The following TPMT variants were observed in gnomAD, a reference collection of about 807,000 sequenced individuals.
The protein encoded by TPMT is thiopurine S-methyltransferase, also known as S-adenosyl-L-methionine:thiopurine S-methyltransferase.
A neutral mutation model predicts 34.2 loss-of-function variants in TPMT; 18 were observed. The ratio of observed to expected loss-of-function variants is 0.53; its 90% CI spans 0.36 to 0.78. The LOEUF is 0.78. Ranked by LOEUF, TPMT falls within the 30% of genes least tolerant of loss-of-function variation. TPMT has a pLI of 0.00. For synonymous variants in TPMT, 69 were observed against 92.4 expected, an observed-to-expected ratio of 0.75 and a Z score of 1.45; for missense variants, 265 against 288.1, an observed-to-expected ratio of 0.92 and a Z score of 0.58.
intron 2 of TPMT, 44 bp from the exon 3 acceptor site, chr6:18,147,959 G>A: frequency 1.4e-6 from 2 of 1,432,404 alleles, no homozygotes; most frequent in Non-Finnish European, 2.0e-6. Flanking sequence ...TTGTATGGTA[G>A]GTGAACACTT....
chr6:18,131,188 A>C lies in TPMT; in HGVS notation c.626-408T>G, dbSNP rs563604163. ...ATTATTTTAAAAACAGTGTACACTA[A>C]ACATTTTTCTCTTCTTTTTAATCAA... On this transcript the variant is annotated intron_variant, in intron 8 of 8. Coordinates refer to ENST00000309983, the MANE Select transcript of TPMT (RefSeq NM_000367.5). The surrounding 1 kb of genome is among the most constrained non-coding windows in gnomAD (Gnocchi z 4.3). 3.3e-5 allele frequency among the ~76,000 whole-genome samples: 5 copies of C among 152,342 alleles called. No individual in the cohort carries two copies. Among genetic ancestry groups the C allele is most frequent in the African/African-American group, 1.2e-4 (5 of 41,580 alleles).
rs1784118016 is a variant in TPMT, at chr6:18,140,384, G to A, written c.367-667C>T. On this transcript the variant is annotated intron_variant, in intron 4 of 8. Transcript: ENST00000309983. This position sits in a 1 kb window ranked among gnomAD's most constrained non-coding sequence, Gnocchi z 4.7. Reference sequence around the variant, plus strand: ...CAGGGGCCTGCCTGGGAGCATCAGGGAGACTAAACAAAAGGTGACTTTTGG... The same window carrying A: ...CAGGGGCCTGCCTGGGAGCATCAGGAAGACTAAACAAAAGGTGACTTTTGG... Among the ~76,000 whole-genome samples the A allele has an allele frequency of 6.6e-6, 1 of 152,166 alleles. No individual in the cohort carries two copies. The highest frequency in any genetic ancestry group is 6.5e-5 in the Admixed American group (1 of 15,274).
At position 18,130,774 on chromosome 6, in the gene TPMT, AT is replaced by A; in HGVS notation, c.631del (p.Ile211TyrfsTer37). 1 of 1,609,816 alleles carries A rather than the reference AT, an allele frequency of 6.2e-7. No individual in the cohort carries two copies. The highest frequency in any genetic ancestry group is 8.5e-7 in the Non-Finnish European group (1 of 1,176,316). On this transcript the variant is annotated frameshift_variant, in exon 9 of 9. Coordinates refer to ENST00000309983, the MANE Select transcript of TPMT (RefSeq NM_000367.5). LOFTEE classifies it low-confidence loss of function (END_TRUNC). The surrounding 1 kb of genome is among the most constrained non-coding windows in gnomAD (Gnocchi z 4.2). ...CTTCTCAAGACAACGTATATTGCAT[AT>A]TTTACCTGAAACAAGAAAGAGTAAC... ...HAEIERLFGK[I>X]CNIRCLEKVD...
chr6:18,134,313 CAGACCG>C (rs1291792951), intron 6 of TPMT, among the ~76,000 whole-genome samples: 1 of 152,212 alleles, frequency 6.6e-6, no homozygotes, highest in African/African-American at 2.4e-5. Flanking sequence ...TCCATCCCCA[CAGACCG>C]ATGCAGTTAG....
intron 6 of TPMT, among the ~76,000 whole-genome samples, chr6:18,137,045 G>C (rs142930605): frequency 6.6e-6 from 1 of 152,064 alleles, no homozygotes; most frequent in African/African-American, 2.4e-5. Flanking sequence ...AATTTAAAAA[G>C]ATTAGGTTTG....
chr6:18,141,788 G>A (rs76571825), intron 4 of TPMT, among the ~76,000 whole-genome samples: 1,994 of 152,274 alleles, frequency 0.013, 39 homozygotes, highest in African/African-American at 0.045. Flanking sequence ...GGGAGGATAC[G>A]GAAGGTTTTC....
chr6:18,151,441 C>T (rs1332559792), intron 1 of TPMT, among the ~76,000 whole-genome samples: 2 of 151,180 alleles, frequency 1.3e-5, no homozygotes, highest in Admixed American at 1.3e-4. Context: ...GCACTCCAGC[C>T]TGGGCTACAG....
chr6:18,133,427 G>T (rs1783984026), intron 7 of TPMT, among the ~76,000 whole-genome samples: 1 of 152,200 alleles, frequency 6.6e-6, no homozygotes, highest in African/African-American at 2.4e-5. Context: ...TTGTGTATGT[G>T]AAGGCATCTG....
rs1467416562 is a variant in TPMT, at chr6:18,146,385, A to T, written c.233+1438T>A. Among the ~76,000 whole-genome samples the T allele has an allele frequency of 1.3e-5, 2 of 152,108 alleles. No homozygotes were observed. The highest frequency in any genetic ancestry group is 2.9e-5 in the Non-Finnish European group (2 of 68,020). ...TGGCTAATTTTTGTATTTTTAGTAG[A>T]GATGGGTTTTCACCATGTTGGCCAG... On this transcript the variant is annotated intron_variant, in intron 3 of 8. Coordinates refer to ENST00000309983, the MANE Select transcript of TPMT (RefSeq NM_000367.5). The surrounding 1 kb of genome is among the most constrained non-coding windows in gnomAD (Gnocchi z 6.2).
chr6:18,143,557 G>A lies in TPMT; in HGVS notation c.366+39C>T. The stretch of plus-strand genomic sequence containing the variant: ...ACTCACACTGAGAAAAACTTTTGTG[G>A]GGATATGGATACAATTATTTACCCA... On this transcript the variant is annotated intron_variant, in intron 4 of 8. Coordinates refer to ENST00000309983, the MANE Select transcript of TPMT (RefSeq NM_000367.5). The surrounding 1 kb of genome is among the most constrained non-coding windows in gnomAD (Gnocchi z 6.1). 1.2e-6 allele frequency: 2 copies of A among 1,611,070 alleles called. No homozygotes were observed. Among genetic ancestry groups the A allele is most frequent in the Admixed American group, 1.7e-5 (1 of 59,966 alleles).
In TPMT at chr6:18,143,542, AG is replaced by A; in HGVS notation, c.366+53del. 1 of 1,609,692 alleles carries A rather than the reference AG, an allele frequency of 6.2e-7. No individual in the cohort carries two copies. The highest frequency in any genetic ancestry group is 8.5e-7 in the Non-Finnish European group (1 of 1,178,576). On this transcript the variant is annotated intron_variant, in intron 4 of 8. Coordinates refer to ENST00000309983, the MANE Select transcript of TPMT (RefSeq NM_000367.5). The surrounding 1 kb of genome is among the most constrained non-coding windows in gnomAD (Gnocchi z 6.1). ...TGGTATCCTCATAATACTCACACTG[AG>A]AAAAACTTTTGTGGGGATATGGATA... is the stretch of plus-strand genomic sequence containing the variant.
Position 18,130,737 on chromosome 6 carries a change from A to G in TPMT, c.669T>C (p.Phe223=). 6.2e-7 allele frequency: 1 copy of G among 1,613,670 alleles called. No individual in the cohort carries two copies. Among genetic ancestry groups the G allele is most frequent in the East Asian group, 2.2e-5 (1 of 44,838 alleles). ...NIRCLEKVDA[F]EERHKSWGID... ...TTCCCCAACTTTTATGTCGTTCTTCAAAAGCATCAACCTTCTCAAGACAAC... is the reference window on the plus strand; with the variant it reads ...TTCCCCAACTTTTATGTCGTTCTTCGAAAGCATCAACCTTCTCAAGACAAC... Residue 223 remains phenylalanine, a synonymous_variant, in exon 9 of 9, where the codon TTT becomes TTC. Transcript: ENST00000309983. The surrounding 1 kb of genome is among the most constrained non-coding windows in gnomAD (Gnocchi z 4.2).
intron 4 of TPMT, among the ~76,000 whole-genome samples, chr6:18,141,423 T>C (rs1784138511): frequency 1.3e-5 from 2 of 150,302 alleles, no homozygotes; most frequent in Non-Finnish European, 3.0e-5. Flanking sequence ...CGCTGCAACC[T>C]CCACCTCCCA....
At chr6:18,148,000 C>G in intron 2 of TPMT, 85 bp from the exon 3 acceptor site, 1 of 1,060,956 alleles carries the variant, frequency 9.4e-7, no homozygotes, top group Non-Finnish European at 1.5e-6. Context: ...ATATTCCCAA[C>G]AACCTTAATA....
rs1482949702 is a variant in TPMT, at chr6:18,140,579, G to C, written c.367-862C>G. 6.6e-6 allele frequency among the ~76,000 whole-genome samples: 1 copy of C among 152,138 alleles called. No homozygotes were observed. The highest frequency in any genetic ancestry group is 2.4e-5 in the African/African-American group (1 of 41,424). On this transcript the variant is annotated intron_variant, in intron 4 of 8. Transcript: ENST00000309983. This position sits in a 1 kb window ranked among gnomAD's most constrained non-coding sequence, Gnocchi z 4.7. ...CACACCTGTAGTTCCAGCTACCTGG[G>C]AGGCTGACATGCGAGGGTCACTTGA...
chr6:18,155,138 G>GTTT (rs1784474157), upstream of TPMT: 1 of 10,098 alleles, frequency 9.9e-5, no homozygotes, highest in Non-Finnish European at 3.1e-4. The surrounding 1 kb of genome is among the most constrained non-coding windows in gnomAD (Gnocchi z 6.2). Flanking sequence ...CCCCGCCTCC[G>GTTT]CCCGCGCCCC....
Position 18,143,380 on chromosome 6 carries a change from T to C in TPMT, c.366+216A>G, listed in dbSNP as rs1014353210. The stretch of plus-strand genomic sequence containing the variant: ...CCTAAAAGCTTGAGTACAGAGAGGC[T>C]TTGACCTCAGCTTTTATATACATAT... On this transcript the variant is annotated intron_variant, in intron 4 of 8. Transcript: ENST00000309983. The surrounding 1 kb of genome is among the most constrained non-coding windows in gnomAD (Gnocchi z 6.1). Among the ~76,000 whole-genome samples, 5 of 152,218 alleles carry C rather than the reference T, an allele frequency of 3.3e-5. No individual in the cohort carries two copies. The highest frequency in any genetic ancestry group is 7.3e-5 in the Non-Finnish European group (5 of 68,042).
rs1253239268 is a variant in TPMT at position 18,136,935 on chromosome 6, A to C, written c.494+2028T>G. Among the ~76,000 whole-genome samples the C allele has an allele frequency of 6.6e-6, 1 of 152,162 alleles. No homozygotes were observed. The highest frequency in any genetic ancestry group is 2.4e-5 in the African/African-American group (1 of 41,444). On this transcript the variant is annotated intron_variant, in intron 6 of 8. Coordinates refer to ENST00000309983, the MANE Select transcript of TPMT (RefSeq NM_000367.5). The surrounding 1 kb of genome is among the most constrained non-coding windows in gnomAD (Gnocchi z 4.7). ...GGTCCCTTGGGGAATCACGACTTTT[A>C]GGCATGCAAGGAGGATGGGAGTTCT... is the stretch of plus-strand genomic sequence containing the variant.
Position 18,132,721 on chromosome 6 carries a change from TTTGA to T in TPMT, c.581-548_581-545del, listed in dbSNP as rs1200221047. On this transcript the variant is annotated intron_variant, in intron 7 of 8. Coordinates refer to ENST00000309983, the MANE Select transcript of TPMT (RefSeq NM_000367.5). This position sits in a 1 kb window ranked among gnomAD's most constrained non-coding sequence, Gnocchi z 4.8. ...CTGCCTCTATTAATTTCTATTTCCA[TTTGA>T]TTGTCTCTGATTTAATTAGGGACAC... 6.6e-6 allele frequency among the ~76,000 whole-genome samples: 1 copy of T among 152,112 alleles called. No homozygotes were observed. The highest frequency in any genetic ancestry group is 2.4e-5 in the African/African-American group (1 of 41,434).
Sources: gnomAD v4.1 joint callset for allele counts (sites outside exome capture counted in the v4.1 genomes callset) on GRCh38, gnomAD v4.1.1 for gene constraint, Gnocchi (gnomAD v3.1) non-coding constraint, MANE v1.5 for transcripts, NCBI Gene and HGNC (gene_info 2026-07-23, HGNC 2026-07-21) for gene names.